Variants in BNC2 observed in about 807,000 individuals in gnomAD.
The protein encoded by BNC2 is zinc finger protein basonuclin-2.
Under a neutral mutation model 76.3 loss-of-function variants are expected in BNC2, and 20 were observed. That is an observed-to-expected ratio of 0.26 (90% CI 0.18 to 0.38). The LOEUF is 0.38. Among genes scored for constraint, BNC2 ranks in the 10% least tolerant of loss-of-function variants. The pLI is 1.00. For missense variants in BNC2, 1,382 were observed against 1,399.8 expected, an observed-to-expected ratio of 0.99 and a Z score of 0.20; for synonymous variants, 582 against 514.8, an observed-to-expected ratio of 1.13 and a Z score of -1.77.
At chr9:16,519,393 A>T (rs956020870) in intron 5 of BNC2, among the ~76,000 whole-genome samples, 2 of 152,200 alleles carry the variant, frequency 1.3e-5, no homozygotes, top group African/African-American at 2.4e-5. Flanking sequence ...CTTTTATCTC[A>T]AATCAACCTT....
At chr9:16,572,248 G>C (rs2132867550) in intron 4 of BNC2, among the ~76,000 whole-genome samples, 1 of 152,290 alleles carries the variant, frequency 6.6e-6, no homozygotes, top group South Asian at 2.1e-4. Context: ...GGATGTTTGG[G>C]CTGCTAAAAC....
chr9:16,853,213 T>A (rs1294581571), intron 1 of BNC2, among the ~76,000 whole-genome samples: 1 of 151,738 alleles, frequency 6.6e-6, no homozygotes, highest in East Asian at 2.0e-4. Context: ...AGGTCAGGAG[T>A]TCATGACCAG....
intron 3 of BNC2, among the ~76,000 whole-genome samples, chr9:16,631,666 G>A (rs1014895321): frequency 2.6e-5 from 4 of 152,252 alleles, no homozygotes; most frequent in Non-Finnish European, 5.9e-5. Flanking sequence ...GCCTACCATC[G>A]TGTCCAATGT....
chr9:16,809,844 G>A (rs1249631825), intron 1 of BNC2, among the ~76,000 whole-genome samples: 1 of 152,150 alleles, frequency 6.6e-6, no homozygotes, highest in African/African-American at 2.4e-5. Flanking sequence ...AAAATTCTGA[G>A]TTCTTTCTAT....
chr9:16,545,373 T>C (rs767687649), intron 5 of BNC2, among the ~76,000 whole-genome samples: 1 of 152,244 alleles, frequency 6.6e-6, no homozygotes, highest in Non-Finnish European at 1.5e-5. Flanking sequence ...CAAGTGGTAC[T>C]ACTAAGTGCT....
chr9:16,701,220 A>G (rs1397289004), intron 3 of BNC2, among the ~76,000 whole-genome samples: 1 of 152,218 alleles, frequency 6.6e-6, no homozygotes, highest in East Asian at 1.9e-4. Context: ...ACTTCCTCAT[A>G]AAATTTAATT....
At chr9:16,592,117 T>TCCCC (rs1313016522) in intron 3 of BNC2, among the ~76,000 whole-genome samples, 1 of 149,442 alleles carries the variant, frequency 6.7e-6, no homozygotes, top group Non-Finnish European at 1.5e-5. Context: ...ACCCCTCCCC[T>TCCCC]CCCCCCAAAA....
In BNC2 at chr9:16,412,764, A is replaced by AGAGAGAGAGAGAGACT. The variant is rs1563770075; in HGVS notation, c.*6224_*6225insAGTCTCTCTCTCTCTC. On this transcript the variant is annotated 3_prime_UTR_variant, in exon 7 of 7. Transcript: ENST00000380672. ...GAGAGAGAGAGAGAGAGAGAGAGAGAGACTGACTGATTGTGGATGTGTGTG... is the reference window on the plus strand; with the variant it reads ...GAGAGAGAGAGAGAGAGAGAGAGAGAGAGAGAGAGAGAGACTGACTGACTGATTGTGGATGTGTGTG... 1 of 115,892 alleles carries AGAGAGAGAGAGAGACT rather than the reference A, an allele frequency of 8.6e-6. No homozygotes were observed. The allele number at this position is 115,892 out of a possible 1,614,324, so 7.2% of individuals were successfully genotyped here. A position where few individuals can be genotyped will look rare whatever the true frequency, so the allele number is the denominator to read the frequency against.
At chr9:16,808,297 T>C (rs765855662) in intron 1 of BNC2, among the ~76,000 whole-genome samples, 1 of 152,048 alleles carries the variant, frequency 6.6e-6, no homozygotes, top group Non-Finnish European at 1.5e-5. Flanking sequence ...ATTCTCTCGG[T>C]TTATTTCATT....
intron 3 of BNC2, among the ~76,000 whole-genome samples, chr9:16,688,234 T>C (rs1286734850): frequency 2.0e-5 from 3 of 152,158 alleles, no homozygotes; most frequent in Non-Finnish European, 4.4e-5. Flanking sequence ...CATATCTCTT[T>C]CTGAATTCAT....
chr9:16,650,330 G>T (rs1429077091), intron 3 of BNC2, among the ~76,000 whole-genome samples: 2 of 152,162 alleles, frequency 1.3e-5, no homozygotes, highest in African/African-American at 4.8e-5. Flanking sequence ...TTGTGTCTCA[G>T]TGTAGGCAGG....
At chr9:16,568,966 T>C (rs1242997707) in intron 4 of BNC2, among the ~76,000 whole-genome samples, 8 of 151,820 alleles carry the variant, frequency 5.3e-5, no homozygotes, top group Non-Finnish European at 1.2e-4. Context: ...CAAGGTTGAA[T>C]TAATTAGGAT....
At chr9:16,837,586 C>A (rs954235985) in intron 1 of BNC2, among the ~76,000 whole-genome samples, 3 of 152,132 alleles carry the variant, frequency 2.0e-5, no homozygotes, top group Non-Finnish European at 2.9e-5. Context: ...TCTCCAGCCT[C>A]GAAGTCGATG....
At chr9:16,723,460 T>C (rs749166959) in intron 3 of BNC2, among the ~76,000 whole-genome samples, 7 of 150,596 alleles carry the variant, frequency 4.6e-5, no homozygotes, top group Admixed American at 4.0e-4. Context: ...TATATATATA[T>C]ATGCCTTTTA....
chr9:16,808,697 T>A (rs1817973150), intron 1 of BNC2, among the ~76,000 whole-genome samples: 1 of 145,788 alleles, frequency 6.9e-6, no homozygotes, highest in South Asian at 2.3e-4. Flanking sequence ...TTGCCCAAGC[T>A]TTTTTTTTTA....
chr9:16,730,746 GC>G (rs1563918382), intron 2 of BNC2, among the ~76,000 whole-genome samples: 1 of 152,034 alleles, frequency 6.6e-6, no homozygotes, highest in African/African-American at 2.4e-5. Flanking sequence ...CACAACACGA[GC>G]CTTAAAAGCA....
chr9:16,579,839 TA>T (rs1819583061), intron 4 of BNC2: 1 of 334,782 alleles, frequency 3.0e-6, no homozygotes. Flanking sequence ...AACAAATTTC[TA>T]AAAATCTGTT....
At chr9:16,721,768 A>C (rs2134881554) in intron 3 of BNC2, among the ~76,000 whole-genome samples, 1 of 152,070 alleles carries the variant, frequency 6.6e-6, no homozygotes, top group African/African-American at 2.4e-5. Flanking sequence ...TACCCGATTC[A>C]CTCTGTTTTC....
chr9:16,727,699 A>C, intron 3 of BNC2, 98 bp downstream of exon 3: 1 of 1,090,624 alleles, frequency 9.2e-7, no homozygotes, highest in African/African-American at 1.6e-5. Context: ...CATTTTAAAA[A>C]GTATTTAGAA....
Sources: allele counts gnomAD v4.1 joint callset (sites outside exome capture counted in the v4.1 genomes callset), GRCh38; gene constraint gnomAD v4.1.1; transcripts MANE v1.5; gene names NCBI Gene and HGNC (gene_info 2026-07-23, HGNC 2026-07-21).